The following TRPM3 variants were observed in gnomAD, a reference collection of about 807,000 sequenced individuals.
The protein encoded by TRPM3 is long transient receptor potential channel 3.
In TRPM3, 77 loss-of-function variants were observed where a neutral mutation model predicts 181.2. The observed-to-expected ratio is 0.42, with a 90% CI of 0.35 to 0.51. The LOEUF is 0.51. TRPM3 is among the 20% of genes least tolerant of loss of function. The probability of loss-of-function intolerance (pLI) is 0.01; values close to 1 mark genes in which losing one functional copy is unlikely to be tolerated. For synonymous variants in TRPM3, 745 were observed against 796.4 expected, an observed-to-expected ratio of 0.94 and a Z score of 1.09; for missense variants, 1,759 against 2,196.7, an observed-to-expected ratio of 0.80 and a Z score of 3.98.
At chr9:70,956,381 T>C (rs1395036605) in intron 1 of TRPM3, among the ~76,000 whole-genome samples, 4 of 52,940 alleles carry the variant, frequency 7.6e-5, no homozygotes, top group African/African-American at 2.1e-4. Context: ...AAATTTTAAA[T>C]AGAAAAAAAA....
intron 1 of TRPM3, among the ~76,000 whole-genome samples, chr9:70,997,735 C>T (rs998841969): frequency 3.3e-5 from 5 of 152,136 alleles, no homozygotes; most frequent in African/African-American, 9.7e-5. Context: ...AGTTCCTCAG[C>T]GTACAAGGTT....
intron 5 of TRPM3, among the ~76,000 whole-genome samples, chr9:70,829,114 T>G (rs957448656): frequency 1.3e-5 from 2 of 152,192 alleles, no homozygotes; most frequent in African/African-American, 2.4e-5. Context: ...AGGAAAGAAA[T>G]AAATGCTACC....
At chr9:70,674,426 T>A (rs1018805930) in intron 9 of TRPM3, among the ~76,000 whole-genome samples, 2 of 152,236 alleles carry the variant, frequency 1.3e-5, no homozygotes, top group Admixed American at 6.5e-5. Context: ...AGTTATTTTT[T>A]AAAATGAGAT....
chr9:70,863,981 C>T (rs2095583082), intron 2 of TRPM3, among the ~76,000 whole-genome samples: 1 of 151,892 alleles, frequency 6.6e-6, no homozygotes, highest in African/African-American at 2.4e-5. Context: ...ATTGTTGATC[C>T]TAAGGAAGGT....
chr9:71,178,787 A>G (rs2077241558), intron 1 of TRPM3, among the ~76,000 whole-genome samples: 1 of 152,076 alleles, frequency 6.6e-6, no homozygotes, highest in Non-Finnish European at 1.5e-5. Flanking sequence ...CAAATGTTAC[A>G]GGATCCTTAT....
Position 70,784,053 on chromosome 9 carries a change from C to T in TRPM3, c.1148+52G>A, listed in dbSNP as rs367951352. 579 of 1,570,478 alleles carry T rather than the reference C, an allele frequency of 3.7e-4. 5 individuals are homozygous for T. The highest frequency in any genetic ancestry group is 2.5e-3 in the South Asian group (212 of 85,184). On this transcript the variant is annotated intron_variant, in intron 7 of 25. Transcript: ENST00000677713. ...TGAAAACATAATCCACTCATACCCT[C>T]GTTTCCAAACAGGCTTTAGGGTTCT...
chr9:71,294,570 TGTATA>T (rs139780185), intron 1 of TRPM3, among the ~76,000 whole-genome samples: 1,852 of 152,232 alleles, frequency 0.012, 31 homozygotes, highest in African/African-American at 0.042. Flanking sequence ...AACTTGGTAT[TGTATA>T]GTAGAGTTGA....
intron 1 of TRPM3, among the ~76,000 whole-genome samples, chr9:71,116,367 C>A (rs1431629668): frequency 6.6e-6 from 1 of 152,148 alleles, no homozygotes; most frequent in Non-Finnish European, 1.5e-5. Context: ...AATGGGACAA[C>A]TTGAACATCA....
At position 71,005,500 on chromosome 9, in the gene TRPM3, C is replaced by T. The variant is rs572888457; in HGVS notation, c.177+115678G>A. Among the ~76,000 whole-genome samples, 13 of 151,682 alleles carry T rather than the reference C, an allele frequency of 8.6e-5. No individual in the cohort carries two copies. In the South Asian group the frequency reaches 1.9e-3, roughly 22 times the overall value. The stretch of plus-strand genomic sequence containing the variant: ...ACATCACCATCAAATTAGCAAAAAT[C>T]GAAGCAAAGAAAGAATATTTAAAAA... On this transcript the variant is annotated intron_variant, in intron 1 of 25. Transcript: ENST00000677713.
chr9:71,148,897 G>A (rs1460746943), intron 1 of TRPM3, among the ~76,000 whole-genome samples: 6 of 152,104 alleles, frequency 3.9e-5, no homozygotes, highest in African/African-American at 1.4e-4. Flanking sequence ...AATAATATAA[G>A]TATCAAAACT....
intron 1 of TRPM3, among the ~76,000 whole-genome samples, chr9:71,277,246 G>A (rs1369482904): frequency 6.6e-6 from 1 of 152,178 alleles, no homozygotes; most frequent in Non-Finnish European, 1.5e-5. Flanking sequence ...AATGGGGATG[G>A]TGTCTATGGC....
intron 1 of TRPM3, among the ~76,000 whole-genome samples, chr9:71,070,755 C>T (rs1489608823): frequency 6.6e-6 from 1 of 152,084 alleles, no homozygotes; most frequent in Non-Finnish European, 1.5e-5. Context: ...AAACATAAAT[C>T]TTTGTCTCTG....
In TRPM3 at chr9:70,610,722, A is replaced by T. The variant is rs779167797; in HGVS notation, c.2554T>A (p.Ser852Thr). 1 of 1,613,450 alleles carries T rather than the reference A, an allele frequency of 6.2e-7. No individual in the cohort carries two copies. The highest frequency in any genetic ancestry group is 1.1e-5 in the South Asian group (1 of 91,022). Residue 852 changes from serine (S) to threonine (T), a missense_variant, in exon 19 of 26, where the codon TCC becomes ACC. Ser to Thr is a moderately conservative substitution (Grantham distance 58). Transcript: ENST00000677713. Reference protein sequence around the residue: ...TAMLGRNNGESSRKKDEEEVQ... With the variant: ...TAMLGRNNGETSRKKDEEEVQ... ...TCCTCTTCATCCTTCTTCCTGGAGG[A>T]CTCCCCGTTGTTTCGTCCCAACATT...
At chr9:71,244,885 T>C (rs2081946328) in intron 1 of TRPM3, among the ~76,000 whole-genome samples, 1 of 152,174 alleles carries the variant, frequency 6.6e-6, no homozygotes, top group Non-Finnish European at 1.5e-5. Context: ...AGAGAATGAC[T>C]GGTTAATTCT....
At chr9:71,005,773 T>C (rs2097666966) in intron 1 of TRPM3, among the ~76,000 whole-genome samples, 1 of 152,092 alleles carries the variant, frequency 6.6e-6, no homozygotes, top group African/African-American at 2.4e-5. Flanking sequence ...AAATGTTAAA[T>C]GGAATTATTT....
intron 1 of TRPM3, among the ~76,000 whole-genome samples, chr9:70,868,503 C>T (rs2095705600): frequency 1.3e-5 from 2 of 151,994 alleles, no homozygotes; most frequent in South Asian, 4.1e-4. Flanking sequence ...AAAGTCTTTG[C>T]TACAAATGTT....
In TRPM3 at chr9:71,426,822, CA is replaced by C. The variant is rs956789766; in HGVS notation, c.183+19830del. 5.5e-3 allele frequency among the ~76,000 whole-genome samples: 782 copies of C among 143,428 alleles called. 4 individuals carry two copies. The highest frequency in any genetic ancestry group is 0.016 in the African/African-American group (633 of 39,470). The allele number at this position is 143,428 out of a possible 152,430, so 94.1% of individuals were successfully genotyped here. ...AAAGTACTTACTAAGGCGTTAAGAC[CA>C]AAAAAAAAAAATTCAGACCTAATCC... On this transcript the variant is annotated intron_variant, in intron 1 of 24. Transcript: ENST00000357533.
intron 1 of TRPM3, among the ~76,000 whole-genome samples, chr9:71,249,191 A>G (rs1028022716): frequency 2.0e-5 from 3 of 152,316 alleles, no homozygotes; most frequent in Non-Finnish European, 2.9e-5. Flanking sequence ...AATGCCAACC[A>G]AGGCTTCTCC....
chr9:70,620,553 T>C lies in TRPM3; in HGVS notation c.1840-188A>G, dbSNP rs559107081. 5.9e-5 allele frequency among the ~76,000 whole-genome samples: 9 copies of C among 152,324 alleles called. No homozygotes were observed. In the East Asian group the frequency reaches 1.5e-3, roughly 26 times the overall value. ...TTTAAAACAAGTGATGATAAATGCATAAGCACAGTGCTGAGGGAACATGTC... is the reference window on the plus strand; with the variant it reads ...TTTAAAACAAGTGATGATAAATGCACAAGCACAGTGCTGAGGGAACATGTC... On this transcript the variant is annotated intron_variant, in intron 15 of 25. Coordinates refer to ENST00000677713, the MANE Select transcript of TRPM3 (RefSeq NM_001366145.2).
Sources: allele counts gnomAD v4.1 joint callset (sites outside exome capture counted in the v4.1 genomes callset), GRCh38; gene constraint gnomAD v4.1.1; transcripts MANE v1.5; gene names NCBI Gene and HGNC (gene_info 2026-07-23, HGNC 2026-07-21).